PBRM1: variants seen among roughly 807,000 people sequenced by gnomAD.
The protein encoded by PBRM1 is polybromo 1.
A neutral mutation model predicts 194.5 loss-of-function variants in PBRM1; 27 were observed. The observed-to-expected ratio is 0.14, with a 90% CI of 0.10 to 0.19. The LOEUF (loss-of-function observed/expected upper bound fraction) is 0.19. PBRM1 is among the 10% of genes least tolerant of loss of function. The probability of loss-of-function intolerance (pLI) is 1.00; values close to 1 mark genes in which losing one functional copy is unlikely to be tolerated. For synonymous variants in PBRM1, 655 were observed against 693.2 expected, an observed-to-expected ratio of 0.94 and a Z score of 0.87; for missense variants, 1,466 against 2,077.2, an observed-to-expected ratio of 0.71 and a Z score of 5.72.
intron 18 of PBRM1, among the ~76,000 whole-genome samples, chr3:52,588,611 T>A (rs1322931587): frequency 6.7e-6 from 1 of 149,110 alleles, no homozygotes; most frequent in African/African-American, 2.5e-5. Flanking sequence ...TGGAGTGCAG[T>A]GGCGTGATCT....
chr3:52,638,331 A>G (rs916448570), intron 10 of PBRM1, among the ~76,000 whole-genome samples: 1 of 147,380 alleles, frequency 6.8e-6, no homozygotes, highest in Admixed American at 6.7e-5. Flanking sequence ...TTGGCCTGGT[A>G]TTTTCTAAGT....
At chr3:52,681,523 G>C (rs371884751), upstream of PBRM1, among the ~76,000 whole-genome samples, 33 of 152,248 alleles carry the variant, frequency 2.2e-4, no homozygotes, top group South Asian at 6.8e-3. Context: ...AATTCATTAA[G>C]ATAAATTAAG....
intron 17 of PBRM1, among the ~76,000 whole-genome samples, chr3:52,596,701 G>A (rs1203283270): frequency 6.6e-6 from 1 of 152,028 alleles, no homozygotes; most frequent in African/African-American, 2.4e-5. Flanking sequence ...TACTGTGGCT[G>A]AGCTGGTATC....
At chr3:52,632,686 CT>C (rs767428790) in intron 11 of PBRM1, among the ~76,000 whole-genome samples, 666 of 138,562 alleles carry the variant, frequency 4.8e-3, no homozygotes, top group Admixed American at 4.8e-3. Context: ...CCACCTTGAC[CT>C]TTTTTTTTTT....
intron 17 of PBRM1, among the ~76,000 whole-genome samples, chr3:52,590,228 G>A (rs2092897500): frequency 1.3e-5 from 2 of 151,842 alleles, no homozygotes. Context: ...GAGGCGGGCG[G>A]ATCACTTGAG....
intron 20 of PBRM1, among the ~76,000 whole-genome samples, chr3:52,584,449 G>GTTTTTTTTT (rs2092000766): frequency 2.5e-5 from 2 of 80,792 alleles, no homozygotes; most frequent in African/African-American, 1.3e-4. Flanking sequence ...AAGTATTCTT[G>GTTTTTTTTT]CTTTTTTTTT....
intron 8 of PBRM1, among the ~76,000 whole-genome samples, chr3:52,644,254 G>C (rs13085895): frequency 0.34 from 51,988 of 151,924 alleles, 9,914 homozygotes; most frequent in Admixed American, 0.46. Flanking sequence ...AAGGTGCTAA[G>C]AGTTACTACT....
Position 52,609,759 on chromosome 3 carries a change from T to C in PBRM1, c.2121A>G (p.Glu707=). Reference sequence around the variant, plus strand: ...TGGCCATCATGTGACTTCGAATTTTTTCCATGTCCATGGGCTTTTTAATAG... The same window carrying C: ...TGGCCATCATGTGACTTCGAATTTTCTCCATGTCCATGGGCTTTTTAATAG... Residue 707 remains glutamate, a synonymous_variant, in exon 16 of 30, where the codon GAA becomes GAG. Coordinates refer to ENST00000296302, the Ensembl canonical transcript of PBRM1. The surrounding 1 kb of genome is among the most constrained non-coding windows in gnomAD (Gnocchi z 4.1). 1 of 1,607,588 alleles carries C rather than the reference T, an allele frequency of 6.2e-7. No homozygotes were observed. The highest frequency in any genetic ancestry group is 8.5e-7 in the Non-Finnish European group (1 of 1,177,666).
chr3:52,623,507 C>A (rs541594713), intron 13 of PBRM1, among the ~76,000 whole-genome samples: 1 of 152,314 alleles, frequency 6.6e-6, no homozygotes, highest in South Asian at 2.1e-4. Context: ...CCTTTTCATT[C>A]ATCTTTTCCA....
intron 2 of PBRM1, among the ~76,000 whole-genome samples, chr3:52,677,408 CTTTTTTTTTTTTT>C (rs71087007): frequency 9.0e-6 from 1 of 110,810 alleles, no homozygotes. Flanking sequence ...CCATGCTCGG[CTTTTTTTTTTTTT>C]TTTTTTTTGA....
intron 10 of PBRM1, among the ~76,000 whole-genome samples, chr3:52,636,197 GATTTAGCCTTA>G (rs2095804326): frequency 6.6e-6 from 1 of 152,112 alleles, no homozygotes; most frequent in South Asian, 2.1e-4. Context: ...TATCAGACAT[GATTTAGCCTTA>G]AATCTCTGTG....
intron 25 of PBRM1, among the ~76,000 whole-genome samples, chr3:52,560,328 TCC>T (rs2083213646): frequency 6.6e-6 from 1 of 152,162 alleles, no homozygotes; most frequent in Non-Finnish European, 1.5e-5. Flanking sequence ...TTTTCAACAC[TCC>T]TCCAGCTCAG....
chr3:52,595,578 C>A (rs2093466474), intron 17 of PBRM1, among the ~76,000 whole-genome samples: 1 of 152,128 alleles, frequency 6.6e-6, no homozygotes, highest in South Asian at 2.1e-4. Context: ...GGTAACTAAT[C>A]CATTGTGAGA....
chr3:52,633,341 C>T (rs111796128), intron 11 of PBRM1, among the ~76,000 whole-genome samples: 3 of 152,192 alleles, frequency 2.0e-5, no homozygotes, highest in Non-Finnish European at 2.9e-5. Context: ...CATGTTAGAG[C>T]GTTTCAAAAT....
chr3:52,554,200 GAA>G (rs2153424641), intron 27 of PBRM1, among the ~76,000 whole-genome samples: 1 of 152,348 alleles, frequency 6.6e-6, no homozygotes, highest in Non-Finnish European at 1.5e-5. Context: ...AAAGATTTCT[GAA>G]GAGTTCTACC....
At chr3:52,586,795 C>T in intron 19 of PBRM1, 107 bp from the exon 22 acceptor site, 1 of 768,040 alleles carries the variant, frequency 1.3e-6, no homozygotes, top group South Asian at 1.8e-5. Context: ...CAAACAAAAG[C>T]TGAACTGATT....
At chr3:52,594,034 T>A (rs2093347518) in intron 17 of PBRM1, among the ~76,000 whole-genome samples, 1 of 152,154 alleles carries the variant, frequency 6.6e-6, no homozygotes, top group Admixed American at 6.5e-5. Flanking sequence ...GGTATTAAAG[T>A]CTCCCCGTAT....
At chr3:52,551,662 T>C (rs2081016420) in intron 27 of PBRM1, among the ~76,000 whole-genome samples, 1 of 152,180 alleles carries the variant, frequency 6.6e-6, no homozygotes, top group Non-Finnish European at 1.5e-5. Context: ...AATACAGAAA[T>C]AGGCAAGGGA....
chr3:52,682,898 A>G (rs1021862663), upstream of PBRM1, among the ~76,000 whole-genome samples: 3 of 152,036 alleles, frequency 2.0e-5, no homozygotes, highest in Non-Finnish European at 2.9e-5. Context: ...TGTCTCTACT[A>G]AAGAAAAATA....
Sources: allele counts gnomAD v4.1 joint callset (sites outside exome capture counted in the v4.1 genomes callset), GRCh38; gene constraint gnomAD v4.1.1; non-coding constraint Gnocchi (gnomAD v3.1); transcripts MANE v1.5; gene names NCBI Gene and HGNC (gene_info 2026-07-23, HGNC 2026-07-21).